PCDH7: variants seen among roughly 807,000 people sequenced by gnomAD.
PCDH7 encodes the protein protocadherin-7.
In PCDH7, 17 loss-of-function variants were observed where a neutral mutation model predicts 58.9. The ratio of observed to expected loss-of-function variants is 0.29; its 90% CI spans 0.20 to 0.43. The LOEUF is 0.43. Among genes scored for constraint, PCDH7 ranks in the 20% least tolerant of loss-of-function variants. The pLI is 1.00. For synonymous variants in PCDH7, 664 were observed against 616.4 expected (o/e 1.08, Z -1.14); for missense variants, 1,274 against 1,441.0 (o/e 0.88, Z 1.88).
At chr4:31,096,758 C>G (rs1714041476) in intron 3 of PCDH7, among the ~76,000 whole-genome samples, 1 of 152,122 alleles carries the variant, frequency 6.6e-6, no homozygotes, top group South Asian at 2.1e-4. Context: ...TCCAGATGGG[C>G]AGATTCTGGG....
chr4:30,955,579 T>C (rs915422969), intron 3 of PCDH7, among the ~76,000 whole-genome samples: 11 of 151,936 alleles, frequency 7.2e-5, no homozygotes, highest in Non-Finnish European at 1.5e-4. Context: ...TCAGTCTCTG[T>C]CGCCCAGGCT....
intron 1 of PCDH7, among the ~76,000 whole-genome samples, chr4:30,918,410 T>C (rs1213791099): frequency 6.6e-6 from 1 of 152,084 alleles, no homozygotes; most frequent in Non-Finnish European, 1.5e-5. Flanking sequence ...ATTGATTTCT[T>C]TATTTTTTTA....
intron 3 of PCDH7, among the ~76,000 whole-genome samples, chr4:31,013,519 A>G (rs1202614625): frequency 6.6e-6 from 1 of 150,642 alleles, no homozygotes. Flanking sequence ...GTATATATAC[A>G]TATATATGTA....
intron 3 of PCDH7, among the ~76,000 whole-genome samples, chr4:31,137,372 CAGG>C: frequency 6.6e-6 from 1 of 152,320 alleles, no homozygotes; most frequent in Admixed American, 6.5e-5. Flanking sequence ...CCCTTGAGAT[CAGG>C]AGTTCGAGAC....
Position 30,949,538 on chromosome 4 carries a change from C to T in PCDH7, c.288-582C>T, listed in dbSNP as rs188412150. On this transcript the variant is annotated intron_variant, in intron 2 of 3. Transcript: ENST00000509759. ...CATGTCCACAAAAATATAATTAAAA[C>T]ATGAACATTTTAAAAACTTTTATTA... Among the ~76,000 whole-genome samples, 402 of 152,182 alleles carry T rather than the reference C, an allele frequency of 2.6e-3. 1 individual carries two copies. Among genetic ancestry groups the T allele is most frequent in the Non-Finnish European group, 4.6e-3 (315 of 67,992 alleles).
chr4:31,119,886 G>T (rs145336082), intron 3 of PCDH7, among the ~76,000 whole-genome samples: 161 of 151,994 alleles, frequency 1.1e-3, no homozygotes, highest in Admixed American at 2.2e-3. Flanking sequence ...TAGTGCGTGT[G>T]TGTGGGCCCA....
chr4:30,775,192 G>A (rs1029518452), intron 1 of PCDH7, among the ~76,000 whole-genome samples: 2 of 152,118 alleles, frequency 1.3e-5, no homozygotes, highest in South Asian at 2.1e-4. Context: ...GTTTCAGATT[G>A]TACACCATAA....
At chr4:31,119,440 T>C (rs528538161) in intron 3 of PCDH7, among the ~76,000 whole-genome samples, 12 of 152,246 alleles carry the variant, frequency 7.9e-5, no homozygotes, top group African/African-American at 9.6e-5. Flanking sequence ...CATATGGGTC[T>C]GCAGCAACCT....
chr4:30,869,653 T>C (rs1735304720), intron 1 of PCDH7, among the ~76,000 whole-genome samples: 1 of 152,226 alleles, frequency 6.6e-6, no homozygotes, highest in Non-Finnish European at 1.5e-5. Context: ...ATGGTGTATA[T>C]ATGCCACAGT....
chr4:31,108,814 C>T (rs976296363), intron 3 of PCDH7, among the ~76,000 whole-genome samples: 2 of 152,056 alleles, frequency 1.3e-5, no homozygotes, highest in African/African-American at 4.8e-5. Flanking sequence ...GCAGAGAATA[C>T]TATCAGCCAT....
chr4:30,903,336 G>T (rs1740476347), intron 1 of PCDH7, among the ~76,000 whole-genome samples: 1 of 151,976 alleles, frequency 6.6e-6, no homozygotes, highest in Admixed American at 6.6e-5. Context: ...CTCCAATCAG[G>T]ATTCAATAAC....
At chr4:31,016,226 T>C (rs1476741091) in intron 3 of PCDH7, among the ~76,000 whole-genome samples, 1 of 152,166 alleles carries the variant, frequency 6.6e-6, no homozygotes, top group Non-Finnish European at 1.5e-5. Flanking sequence ...GAGGACCATA[T>C]GGATCTTTAT....
chr4:31,082,128 A>C (rs976313453), intron 3 of PCDH7, among the ~76,000 whole-genome samples: 3 of 152,174 alleles, frequency 2.0e-5, no homozygotes, highest in African/African-American at 7.2e-5. Context: ...ATGGAAGCTC[A>C]GAAAACAGGC....
intron 1 of PCDH7, among the ~76,000 whole-genome samples, chr4:30,781,278 C>A (rs1214115438): frequency 6.7e-6 from 1 of 150,232 alleles, no homozygotes; most frequent in African/African-American, 2.5e-5. Flanking sequence ...GTAGCTGGGA[C>A]TACAGGTGCC....
chr4:30,924,731 C>T lies in PCDH7; in HGVS notation c.287+4362C>T, dbSNP rs554965277. ...CCCTGGGTGCAATGCCCTTGAAATA[C>T]ATGAATTATGATTAAGACATTTCAC... is the stretch of plus-strand genomic sequence containing the variant. On this transcript the variant is annotated intron_variant, in intron 2 of 3. Coordinates refer to the PCDH7 transcript ENST00000509759. Among the ~76,000 whole-genome samples, 380 of 151,372 alleles carry T rather than the reference C, an allele frequency of 2.5e-3. 1 individual carries two copies. Among genetic ancestry groups the T allele is most frequent in the Non-Finnish European group, 2.6e-3 (175 of 67,928 alleles).
chr4:31,025,217 T>G (rs1754330151), intron 3 of PCDH7, among the ~76,000 whole-genome samples: 1 of 152,228 alleles, frequency 6.6e-6, no homozygotes, highest in South Asian at 2.1e-4. Context: ...TTAACATACA[T>G]TTTTTCAGTA....
chr4:30,796,550 A>G lies in PCDH7; in HGVS notation c.70+71954A>G, dbSNP rs187290613. On this transcript the variant is annotated intron_variant, in intron 1 of 3. Coordinates refer to the PCDH7 transcript ENST00000509759. ...ATCTGATATTACAGTTTGTGGACAA[A>G]TTATATATACTGGATTCAGATATTA... Among the ~76,000 whole-genome samples, 11 of 152,364 alleles carry G rather than the reference A, an allele frequency of 7.2e-5. No individual in the cohort carries two copies. In the East Asian group the frequency reaches 2.1e-3, roughly 29 times the overall value.
chr4:31,131,857 G>A (rs1719035077), intron 3 of PCDH7, among the ~76,000 whole-genome samples: 2 of 151,860 alleles, frequency 1.3e-5, no homozygotes, highest in African/African-American at 4.8e-5. Context: ...GATGACTACA[G>A]GAAAGAAAAA....
intron 3 of PCDH7, among the ~76,000 whole-genome samples, chr4:31,135,780 A>T (rs1719527491): frequency 6.6e-6 from 1 of 152,232 alleles, no homozygotes; most frequent in Non-Finnish European, 1.5e-5. Flanking sequence ...GAGACAAAAA[A>T]GATGCAAATA....
Sources: allele counts gnomAD v4.1 joint callset (sites outside exome capture counted in the v4.1 genomes callset), GRCh38; gene constraint gnomAD v4.1.1; transcripts MANE v1.5; gene names NCBI Gene and HGNC (gene_info 2026-07-23, HGNC 2026-07-21).